Variants in BCAM observed in about 807,000 individuals in gnomAD.
The protein encoded by BCAM is basal cell adhesion molecule (Lutheran blood group), also known as basal cell adhesion molecule.
In BCAM, 61 loss-of-function variants were observed where a neutral mutation model predicts 72.4. The observed-to-expected ratio is 0.84, with a 90% CI of 0.69 to 1.04. BCAM has a LOEUF of 1.04. BCAM is among the 50% of genes least tolerant of loss of function. The probability of loss-of-function intolerance (pLI) is 0.00; values close to 1 mark genes in which losing one functional copy is unlikely to be tolerated. For synonymous variants in BCAM, 408 were observed against 384.2 expected (o/e 1.06, Z -0.73); for missense variants, 909 against 895.0 (o/e 1.02, Z -0.20).
chr19:44,809,872 G>A (rs964909920), intron 1 of BCAM, among the ~76,000 whole-genome samples: 9 of 151,570 alleles, frequency 5.9e-5, no homozygotes, highest in Non-Finnish European at 1.2e-4. Flanking sequence ...GGGGCTGGGG[G>A]GTGGGGGTGG....
At position 44,818,794 on chromosome 19, in the gene BCAM, C is replaced by T. The variant is rs189399192; in HGVS notation, c.1248C>T (p.Phe416=). The change falls in exon 10 of 15, where the codon TTC becomes TTT. Residue 416 remains phenylalanine (F), a synonymous_variant. Transcript: ENST00000270233. This position sits in a 1 kb window ranked among gnomAD's most constrained non-coding sequence, Gnocchi z 4.6. The part of the protein sequence containing the change: ...GPMLSLSSIT[F]DSNGTYVCEA... Reference sequence around the variant, plus strand: ...TGCTGTCGCTCAGTTCTATCACCTTCGATTCCAATGGCACCTACGTATGTG... The same window carrying T: ...TGCTGTCGCTCAGTTCTATCACCTTTGATTCCAATGGCACCTACGTATGTG... The T allele has an allele frequency of 2.2e-5, 35 of 1,614,158 alleles. No individual in the cohort carries two copies. In the African/African-American group the frequency reaches 3.1e-4, roughly 14 times the overall value.
At position 44,818,010 on chromosome 19, in the gene BCAM, G is replaced by A. The variant is rs1343026117; in HGVS notation, c.1079-512G>A. Among the ~76,000 whole-genome samples, 1 of 152,212 alleles carries A rather than the reference G, an allele frequency of 6.6e-6. No individual in the cohort carries two copies. The highest frequency in any genetic ancestry group is 1.5e-5 in the Non-Finnish European group (1 of 68,020). ...AGCAGACCAGATAAAGACTTGCTGA[G>A]GCCAGGAGCAGGGGCTCACGCCTGT... On this transcript the variant is annotated intron_variant, in intron 8 of 14. Coordinates refer to ENST00000270233, the MANE Select transcript of BCAM (RefSeq NM_005581.5). This position sits in a 1 kb window ranked among gnomAD's most constrained non-coding sequence, Gnocchi z 4.6.
Position 44,814,139 on chromosome 19 carries a change from G to T in BCAM, c.785-13G>T, listed in dbSNP as rs377344719. On this transcript the variant is annotated splice_polypyrimidine_tract_variant and intron_variant, in intron 6 of 14. Coordinates refer to ENST00000270233, the MANE Select transcript of BCAM (RefSeq NM_005581.5). The surrounding 1 kb of genome is among the most constrained non-coding windows in gnomAD (Gnocchi z 4.6). ...CCCTGATCACAATTCCCATCTCCCT[G>T]CCCTTCCCTTAGATCCCACGGAGCA... 4.4e-6 allele frequency: 7 copies of T among 1,573,858 alleles called. No homozygotes were observed. The highest frequency in any genetic ancestry group is 6.0e-6 in the Non-Finnish European group (7 of 1,167,514).
rs1968527636 is a variant in BCAM at position 44,818,270 on chromosome 19, G to A, written c.1079-252G>A. Among the ~76,000 whole-genome samples the A allele has an allele frequency of 6.6e-6, 1 of 152,212 alleles. No individual in the cohort carries two copies. Among genetic ancestry groups the A allele is most frequent in the Non-Finnish European group, 1.5e-5 (1 of 68,044 alleles). ...ACCTAAGGTTATTCATTAACCTTGG[G>A]CTCAGATGTCAGCTCTGAAGAAAAG... On this transcript the variant is annotated intron_variant, in intron 8 of 14. Coordinates refer to ENST00000270233, the MANE Select transcript of BCAM (RefSeq NM_005581.5). This position sits in a 1 kb window ranked among gnomAD's most constrained non-coding sequence, Gnocchi z 4.6.
rs1968445491 is a variant in BCAM at position 44,812,947 on chromosome 19, C to T, written c.505-303C>T. 2.8e-6 allele frequency: 1 copy of T among 356,312 alleles called. No homozygotes were observed. The highest frequency in any genetic ancestry group is 2.6e-5 in the African/African-American group (1 of 38,354). 22.1% of individuals were successfully genotyped at this position (356,312 alleles called of 1,614,324 possible). The stretch of plus-strand genomic sequence containing the variant: ...CCTGGGCCACAGAGCAATACTCCGT[C>T]TCAAAAAAAAAAAAAAAAAGAAGAA... On this transcript the variant is annotated intron_variant, in intron 4 of 14. Transcript: ENST00000270233. This position sits in a 1 kb window ranked among gnomAD's most constrained non-coding sequence, Gnocchi z 5.3.
At position 44,819,456 on chromosome 19, in the gene BCAM, C is replaced by T. The variant is rs146882795; in HGVS notation, c.1584C>T (p.His528=). The change falls in exon 12 of 15, where the codon CAC becomes CAT. Residue 528 remains histidine, a synonymous_variant. Coordinates refer to ENST00000270233, the MANE Select transcript of BCAM (RefSeq NM_005581.5). ...DGISCEASNP[H]GNKRHVFHFG... ...TCTCCTGTGAAGCCTCCAACCCCCA[C>T]GGGAACAAGCGCCATGTCTTCCACT... 1.2e-5 allele frequency: 19 copies of T among 1,613,996 alleles called. No homozygotes were observed. The highest frequency in any genetic ancestry group is 6.6e-5 in the South Asian group (6 of 91,086).
intron 8 of BCAM, among the ~76,000 whole-genome samples, chr19:44,815,213 C>T (rs1968488953): frequency 6.6e-6 from 1 of 152,144 alleles, no homozygotes; most frequent in African/African-American, 2.4e-5. Flanking sequence ...ATCTCCTCAT[C>T]ACCCCCCAGG....
chr19:44,814,199 GCAGGCTGGGTA>G lies in BCAM; in HGVS notation c.834_844del (p.Gly279ArgfsTer3). The G allele has an allele frequency of 6.3e-7, 1 of 1,582,924 alleles. No individual in the cohort carries two copies. The highest frequency in any genetic ancestry group is 8.5e-7 in the Non-Finnish European group (1 of 1,170,436). On this transcript the variant is annotated frameshift_variant, in exon 7 of 15. Transcript: ENST00000270233. LOFTEE classifies it high-confidence loss of function. This position sits in a 1 kb window ranked among gnomAD's most constrained non-coding sequence, Gnocchi z 4.6. ...CTGGGTGGGCAGCCCGTCCACCCCA[GCAGGCTGGGTA>G]CGCGAGGGTGACACTGTCCAGCTGC...
chr19:44,814,086 C>T lies in BCAM; in HGVS notation c.785-66C>T. On this transcript the variant is annotated intron_variant, in intron 6 of 14. Coordinates refer to ENST00000270233, the MANE Select transcript of BCAM (RefSeq NM_005581.5). The surrounding 1 kb of genome is among the most constrained non-coding windows in gnomAD (Gnocchi z 4.6). ...CTCACCTGGGATGCAGGGCTGACCT[C>T]TCGCCTGTCCTCTAGCCTTGACCCT... is the stretch of plus-strand genomic sequence containing the variant. The T allele has an allele frequency of 6.6e-7, 1 of 1,507,844 alleles. No individual in the cohort carries two copies. Among genetic ancestry groups the T allele is most frequent in the East Asian group, 2.3e-5 (1 of 42,710 alleles). 93.4% of individuals were successfully genotyped at this position (1,507,844 alleles called of 1,614,324 possible). A position where few individuals can be genotyped will look rare whatever the true frequency, so the allele number is the denominator to read the frequency against.
At chr19:44,815,306 G>C (rs975005721) in intron 8 of BCAM, among the ~76,000 whole-genome samples, 1 of 152,126 alleles carries the variant, frequency 6.6e-6, no homozygotes, top group Admixed American at 6.6e-5. Flanking sequence ...TTCTAAGAAT[G>C]ATTTTCAGTT....
At position 44,814,262 on chromosome 19, in the gene BCAM, C is replaced by G; in HGVS notation, c.895C>G (p.Pro299Ala). The G allele has an allele frequency of 6.3e-7, 1 of 1,595,850 alleles. No individual in the cohort carries two copies. The highest frequency in any genetic ancestry group is 8.5e-7 in the Non-Finnish European group (1 of 1,175,830). ...LLCRGDGSPS[P>A]EYTLFRLQDE... ...CTGCCGGGGGGACGGCAGCCCCAGC[C>G]CGGAGTATACGCTTTTCCGCCTTCA... Residue 299 changes from proline (P) to alanine (A), a missense_variant, in exon 7 of 15, where the codon CCG becomes GCG. Transcript: ENST00000270233. The surrounding 1 kb of genome is among the most constrained non-coding windows in gnomAD (Gnocchi z 4.6).
Position 44,820,711 on chromosome 19 carries a change from AG to A in BCAM, c.1774del (p.Glu592SerfsTer4). 2 of 1,365,586 alleles carry A rather than the reference AG, an allele frequency of 1.5e-6. No homozygotes were observed. Among genetic ancestry groups the A allele is most frequent in the Non-Finnish European group, 9.5e-7 (1 of 1,051,150 alleles). 84.6% of individuals were successfully genotyped at this position (1,365,586 alleles called of 1,614,324 possible). ...QRREKGAPPPGEPGLSHSGSE... is the reference protein window; with the variant it reads ...QRREKGAPPPXEPGLSHSGSE... ...CGCTGCCTCCTCCCCCCAGGCCGCCAGGGGAGCCAGGGCTGAGCCACTCGGG... is the reference window on the plus strand; with the variant it reads ...CGCTGCCTCCTCCCCCCAGGCCGCCAGGGAGCCAGGGCTGAGCCACTCGGG... On this transcript the variant is annotated frameshift_variant, in exon 14 of 15. Coordinates refer to ENST00000270233, the MANE Select transcript of BCAM (RefSeq NM_005581.5). LOFTEE classifies it high-confidence loss of function.
intron 1 of BCAM, among the ~76,000 whole-genome samples, chr19:44,810,758 G>T (rs1400864883): frequency 1.3e-5 from 2 of 152,234 alleles, no homozygotes; most frequent in Non-Finnish European, 2.9e-5. Context: ...GGCTGGTGCA[G>T]TATTACCCCA....
chr19:44,815,608 C>G (rs781692235), intron 8 of BCAM, among the ~76,000 whole-genome samples: 3 of 152,152 alleles, frequency 2.0e-5, no homozygotes, highest in Non-Finnish European at 4.4e-5. Context: ...TGGATGTTTT[C>G]AGGCAAGAAG....
chr19:44,820,517 T>C, intron 13 of BCAM, 188 bp from the exon 14 acceptor site: 1 of 1,265,208 alleles, frequency 7.9e-7, no homozygotes, highest in Admixed American at 3.9e-5. Flanking sequence ...TGCATCCCCA[T>C]GCCCAACCCT....
intron 8 of BCAM, among the ~76,000 whole-genome samples, chr19:44,815,669 G>A (rs1490813302): frequency 6.6e-6 from 1 of 152,150 alleles, no homozygotes; most frequent in Non-Finnish European, 1.5e-5. Flanking sequence ...GGGAGGTAAA[G>A]GAAGCAAGAT....
chr19:44,810,550 A>G (rs1968403812), intron 1 of BCAM, among the ~76,000 whole-genome samples: 1 of 152,144 alleles, frequency 6.6e-6, no homozygotes, highest in African/African-American at 2.4e-5. Context: ...TGAGTGGTGC[A>G]GGTGCAGAGA....
Position 44,812,952 on chromosome 19 carries a change from A to C in BCAM, c.505-298A>C. On this transcript the variant is annotated intron_variant, in intron 4 of 14. Transcript: ENST00000270233. This position sits in a 1 kb window ranked among gnomAD's most constrained non-coding sequence, Gnocchi z 5.3. ...GCCACAGAGCAATACTCCGTCTCAAAAAAAAAAAAAAAAAGAAGAAGAAAA... is the reference window on the plus strand; with the variant it reads ...GCCACAGAGCAATACTCCGTCTCAACAAAAAAAAAAAAAAGAAGAAGAAAA... 3.5e-6 allele frequency: 1 copy of C among 287,350 alleles called. No individual in the cohort carries two copies. The highest frequency in any genetic ancestry group is 6.5e-6 in the Non-Finnish European group (1 of 153,922). 17.8% of individuals were successfully genotyped at this position (287,350 alleles called of 1,614,324 possible). A position where few individuals can be genotyped will look rare whatever the true frequency, so the allele number is the denominator to read the frequency against.
rs1384333335 is a variant in BCAM, at chr19:44,812,257, C to G, written c.299C>G (p.Pro100Arg). The change falls in exon 3 of 15, where the codon CCC (proline) becomes CGC (arginine). Residue 100 changes from proline (P) to arginine (R), a missense_variant. Transcript: ENST00000270233. This position sits in a 1 kb window ranked among gnomAD's most constrained non-coding sequence, Gnocchi z 5.3. ...ATGCACGACACCCGGGGCCGCAGTCCCCCATACCAGCTGGACTCCCAGGGG... is the reference window on the plus strand; with the variant it reads ...ATGCACGACACCCGGGGCCGCAGTCGCCCATACCAGCTGGACTCCCAGGGG... ...VTMHDTRGRS[P>R]PYQLDSQGRL... is the part of the protein sequence containing the mutation. 1 of 1,610,082 alleles carries G rather than the reference C, an allele frequency of 6.2e-7. No homozygotes were observed. The highest frequency in any genetic ancestry group is 1.1e-5 in the South Asian group (1 of 90,940).
Sources: allele counts gnomAD v4.1 joint callset (sites outside exome capture counted in the v4.1 genomes callset), GRCh38; gene constraint gnomAD v4.1.1; non-coding constraint Gnocchi (gnomAD v3.1); transcripts MANE v1.5; gene names NCBI Gene and HGNC (gene_info 2026-07-23, HGNC 2026-07-21).